Variants in LUZP2 observed in about 807,000 individuals in gnomAD.
LUZP2 encodes the protein leucine zipper protein 2.
LUZP2 carries 52 observed loss-of-function variants against 51.6 expected under a neutral mutation model. The ratio of observed to expected loss-of-function variants is 1.01; its 90% CI spans 0.81 to 1.27. LUZP2 has a LOEUF of 1.27. Ranked by LOEUF, LUZP2 falls within the 50% of genes most tolerant of loss-of-function variation. LUZP2 has a pLI of 0.00. For synonymous variants in LUZP2, 154 were observed against 137.3 expected (o/e 1.12, Z -0.85); for missense variants, 436 against 395.4 (o/e 1.10, Z -0.87).
At chr11:24,537,482 T>A (rs187686611) in intron 1 of LUZP2, among the ~76,000 whole-genome samples, 6 of 152,036 alleles carry the variant, frequency 3.9e-5, no homozygotes, top group Admixed American at 2.6e-4. Flanking sequence ...CTAAACAATA[T>A]TGAAACTATA....
intron 7 of LUZP2, among the ~76,000 whole-genome samples, chr11:24,917,676 T>C (rs578211839): frequency 1.5e-3 from 235 of 151,914 alleles, no homozygotes; most frequent in African/African-American, 5.5e-3. Flanking sequence ...AGGGCTCTGT[T>C]CTGTTCCATT....
chr11:24,609,330 G>T (rs1404613500), intron 1 of LUZP2, among the ~76,000 whole-genome samples: 1 of 152,158 alleles, frequency 6.6e-6, no homozygotes, highest in African/African-American at 2.4e-5. Flanking sequence ...TGAAAGCAAA[G>T]AACTCTGAAA....
intron 9 of LUZP2, among the ~76,000 whole-genome samples, chr11:24,990,170 A>T (rs762278410): frequency 2.6e-5 from 4 of 151,978 alleles, no homozygotes; most frequent in Non-Finnish European, 5.9e-5. Context: ...ATGCACTCAA[A>T]TTTTACTACC....
intron 1 of LUZP2, among the ~76,000 whole-genome samples, chr11:24,720,060 T>C (rs1466578470): frequency 1.3e-5 from 2 of 152,190 alleles, no homozygotes; most frequent in Non-Finnish European, 2.9e-5. Flanking sequence ...TTATTAAATA[T>C]TATGTAATTT....
intron 9 of LUZP2, among the ~76,000 whole-genome samples, chr11:25,020,460 A>G (rs1433644287): frequency 6.6e-6 from 1 of 152,124 alleles, no homozygotes; most frequent in Non-Finnish European, 1.5e-5. Flanking sequence ...ATCTGAATGA[A>G]GATTTTAGGG....
intron 7 of LUZP2, among the ~76,000 whole-genome samples, chr11:24,960,350 G>T (rs972915843): frequency 1.3e-5 from 2 of 152,248 alleles, no homozygotes; most frequent in South Asian, 4.1e-4. Context: ...TGTACCTCTG[G>T]TAGAATTTGG....
At chr11:24,887,874 A>T (rs1852723308) in intron 5 of LUZP2, among the ~76,000 whole-genome samples, 3 of 152,156 alleles carry the variant, frequency 2.0e-5, no homozygotes, top group Non-Finnish European at 2.9e-5. Context: ...GAAGTTCCAA[A>T]ATAGTAGATG....
intron 1 of LUZP2, among the ~76,000 whole-genome samples, chr11:24,539,659 A>G (rs1341092563): frequency 6.6e-6 from 1 of 152,024 alleles, no homozygotes; most frequent in East Asian, 1.9e-4. Context: ...GGGAAAAACA[A>G]GTAATCAATA....
chr11:24,819,770 T>G (rs1028249906), intron 5 of LUZP2, among the ~76,000 whole-genome samples: 1 of 74,524 alleles, frequency 1.3e-5, no homozygotes, highest in Non-Finnish European at 2.9e-5. Context: ...GGCTAGTTAT[T>G]TTTTTAGGAA....
intron 1 of LUZP2, among the ~76,000 whole-genome samples, chr11:24,658,156 G>A (rs1165905372): frequency 3.9e-5 from 6 of 152,116 alleles, no homozygotes; most frequent in Non-Finnish European, 5.9e-5. Flanking sequence ...GAGGCATCAC[G>A]CTACCTGACT....
chr11:24,904,666 G>A (rs559085731), intron 5 of LUZP2, among the ~76,000 whole-genome samples: 1 of 152,196 alleles, frequency 6.6e-6, no homozygotes. Context: ...AGTAACCTTT[G>A]TCAGCTGAGT....
At chr11:24,993,872 G>T (rs1046037911) in intron 9 of LUZP2, among the ~76,000 whole-genome samples, 2 of 151,032 alleles carry the variant, frequency 1.3e-5, no homozygotes, top group East Asian at 1.9e-4. Context: ...TTTGGGGGGG[G>T]TGTGGGGGAA....
At chr11:24,558,023 A>G (rs1009762906) in intron 1 of LUZP2, among the ~76,000 whole-genome samples, 8 of 152,140 alleles carry the variant, frequency 5.3e-5, no homozygotes, top group African/African-American at 1.9e-4. Context: ...ATCTGCCCTC[A>G]ATATGGATAG....
chr11:24,509,427 A>C, intron 1 of LUZP2, among the ~76,000 whole-genome samples: 1 of 150,202 alleles, frequency 6.7e-6, no homozygotes, highest in East Asian at 1.9e-4. Flanking sequence ...TATGTACTAG[A>C]TGATATATAT....
chr11:24,950,317 ACCC>A lies in LUZP2; in HGVS notation c.523-26271_523-26269del, dbSNP rs542249666. The stretch of plus-strand genomic sequence containing the variant: ...TTGCAATGTTTAATCTACCAAATTA[ACCC>A]CCAAAAATGATTTCCTATGTTCAGT... On this transcript the variant is annotated intron_variant, in intron 7 of 11. Transcript: ENST00000336930. 3.6e-3 allele frequency among the ~76,000 whole-genome samples: 543 copies of A among 151,420 alleles called. 4 individuals carry two copies. The highest frequency in any genetic ancestry group is 4.9e-3 in the Non-Finnish European group (331 of 67,564).
chr11:24,826,175 C>CAAAA (rs10625331), intron 5 of LUZP2, among the ~76,000 whole-genome samples: 796 of 60,042 alleles, frequency 0.013, 32 homozygotes, highest in African/African-American at 0.033. Context: ...GACTCCATCT[C>CAAAA]AAAAAAAAAA....
At chr11:24,527,026 G>T (rs181456708) in intron 1 of LUZP2, among the ~76,000 whole-genome samples, 281 of 151,398 alleles carry the variant, frequency 1.9e-3, no homozygotes, top group Non-Finnish European at 3.1e-3. Context: ...CAATTTTGAT[G>T]CTTTTTATTA....
chr11:24,872,234 A>G (rs528588881), intron 5 of LUZP2, among the ~76,000 whole-genome samples: 1 of 152,196 alleles, frequency 6.6e-6, no homozygotes, highest in Admixed American at 6.6e-5. Flanking sequence ...AATTACTGCA[A>G]ATTCACCTTA....
At chr11:24,983,081 T>C in intron 8 of LUZP2, 45 bp from the exon 9 acceptor site, 5 of 1,584,402 alleles carry the variant, frequency 3.2e-6, no homozygotes, top group Non-Finnish European at 4.3e-6. Context: ...AGATAATTGA[T>C]GAGCATAGCT....
Sources: allele counts gnomAD v4.1 joint callset (sites outside exome capture counted in the v4.1 genomes callset), GRCh38; gene constraint gnomAD v4.1.1; transcripts MANE v1.5; gene names NCBI Gene and HGNC (gene_info 2026-07-23, HGNC 2026-07-21).